Variants in TAFA2 observed in about 807,000 individuals in gnomAD.
The protein encoded by TAFA2 is TAFA chemokine like family member 2.
In TAFA2, 7 loss-of-function variants were observed where a neutral mutation model predicts 18.8. The observed-to-expected ratio is 0.37, with a 90% CI of 0.21 to 0.70. The LOEUF (loss-of-function observed/expected upper bound fraction) is 0.70. TAFA2 is among the 30% of genes least tolerant of loss of function. The probability of loss-of-function intolerance (pLI) is 0.53; values close to 1 mark genes in which losing one functional copy is unlikely to be tolerated. For missense variants in TAFA2, 122 were observed against 158.1 expected (o/e 0.77, Z 1.23); for synonymous variants, 60 against 54.2 (o/e 1.11, Z -0.47).
At chr12:61,818,700 T>A (rs139909931) in intron 2 of TAFA2, among the ~76,000 whole-genome samples, 16 of 152,248 alleles carry the variant, frequency 1.1e-4, no homozygotes, top group Non-Finnish European at 2.1e-4. Context: ...AAGGAACACA[T>A]GATAGTCTTA....
chr12:62,142,839 T>C (rs2062249044), intron 1 of TAFA2, among the ~76,000 whole-genome samples: 1 of 152,212 alleles, frequency 6.6e-6, no homozygotes, highest in Admixed American at 6.5e-5. Context: ...ATTTACTGGA[T>C]TGTAACTATT....
At chr12:62,241,136 AAC>A (rs771789807) in intron 1 of TAFA2, among the ~76,000 whole-genome samples, 60 of 152,276 alleles carry the variant, frequency 3.9e-4, no homozygotes, top group Admixed American at 7.2e-4. Flanking sequence ...ACCAGCACCA[AAC>A]ACAGAACAGT....
intron 1 of TAFA2, among the ~76,000 whole-genome samples, chr12:61,936,715 G>A (rs1361612239): frequency 6.6e-6 from 1 of 152,042 alleles, no homozygotes; most frequent in Admixed American, 6.6e-5. Context: ...CCAATACACT[G>A]AATAAAGAAA....
At chr12:62,077,116 A>C (rs10506432) in intron 1 of TAFA2, among the ~76,000 whole-genome samples, 34,868 of 152,154 alleles carry the variant, frequency 0.23, 4,442 homozygotes, top group East Asian at 0.47. Flanking sequence ...ATTCAACACC[A>C]GATAAATTAT....
intron 4 of TAFA2, among the ~76,000 whole-genome samples, chr12:61,738,773 G>A (rs1324711293): frequency 1.3e-5 from 2 of 151,998 alleles, no homozygotes; most frequent in African/African-American, 4.8e-5. Flanking sequence ...AAATTTTGTG[G>A]CTATTCTAAA....
At chr12:62,065,997 G>A (rs1279564551) in intron 1 of TAFA2, among the ~76,000 whole-genome samples, 1 of 151,952 alleles carries the variant, frequency 6.6e-6, no homozygotes, top group Non-Finnish European at 1.5e-5. Context: ...TGTCATTTCT[G>A]TGTGATTAGG....
At chr12:61,956,923 C>A (rs1268552251) in intron 1 of TAFA2, among the ~76,000 whole-genome samples, 1 of 152,120 alleles carries the variant, frequency 6.6e-6, no homozygotes, top group Non-Finnish European at 1.5e-5. Context: ...TAAAATTACT[C>A]ACACATTATC....
At chr12:62,080,168 T>C (rs1047800942) in intron 1 of TAFA2, among the ~76,000 whole-genome samples, 1 of 152,196 alleles carries the variant, frequency 6.6e-6, no homozygotes, top group Non-Finnish European at 1.5e-5. Flanking sequence ...ATTCTTGCCA[T>C]AGGGCCCCCT....
chr12:61,719,673 T>C (rs1376982380), intron 4 of TAFA2, among the ~76,000 whole-genome samples: 12 of 152,158 alleles, frequency 7.9e-5, no homozygotes, highest in Non-Finnish European at 1.8e-4. Context: ...AAATTATTTA[T>C]TGCAATGCCA....
At chr12:61,821,140 C>T (rs969363310) in intron 2 of TAFA2, among the ~76,000 whole-genome samples, 1 of 151,346 alleles carries the variant, frequency 6.6e-6, no homozygotes, top group Non-Finnish European at 1.5e-5. Flanking sequence ...CACACACACA[C>T]ACACACACAC....
intron 1 of TAFA2, among the ~76,000 whole-genome samples, chr12:62,152,643 A>G (rs1221463727): frequency 2.0e-5 from 3 of 152,214 alleles, no homozygotes; most frequent in Non-Finnish European, 4.4e-5. Context: ...GAAGTGAGGC[A>G]TAAAGCTCTG....
At chr12:61,779,615 A>C (rs1870418009) in intron 2 of TAFA2, among the ~76,000 whole-genome samples, 1 of 151,878 alleles carries the variant, frequency 6.6e-6, no homozygotes, top group South Asian at 2.1e-4. Flanking sequence ...GTGCTGCTAT[A>C]AATTATGTTC....
At chr12:61,862,465 C>G (rs1874168790) in intron 2 of TAFA2, among the ~76,000 whole-genome samples, 1 of 152,022 alleles carries the variant, frequency 6.6e-6, no homozygotes, top group Non-Finnish European at 1.5e-5. Flanking sequence ...TTTTCAAATC[C>G]AAATATTCTG....
chr12:61,973,342 C>G (rs1226966413), intron 1 of TAFA2, among the ~76,000 whole-genome samples: 2 of 150,384 alleles, frequency 1.3e-5, no homozygotes, highest in African/African-American at 2.4e-5. Flanking sequence ...CCAAGGATGA[C>G]TACATGTTGC....
At chr12:61,789,663 G>T (rs376825827) in intron 2 of TAFA2, among the ~76,000 whole-genome samples, 1 of 151,724 alleles carries the variant, frequency 6.6e-6, no homozygotes, top group African/African-American at 2.4e-5. Context: ...CACATTCTGT[G>T]CATGTATCCC....
chr12:62,070,760 C>G (rs1376060885), intron 1 of TAFA2, among the ~76,000 whole-genome samples: 2 of 152,024 alleles, frequency 1.3e-5, no homozygotes, highest in Non-Finnish European at 2.9e-5. Flanking sequence ...TATAAGCTGT[C>G]ACTACACTCT....
At chr12:61,774,253 T>C (rs952522681) in intron 2 of TAFA2, among the ~76,000 whole-genome samples, 9 of 151,964 alleles carry the variant, frequency 5.9e-5, no homozygotes, top group African/African-American at 2.2e-4. Context: ...ATAACCACTA[T>C]AGAAAACAGT....
intron 1 of TAFA2, among the ~76,000 whole-genome samples, chr12:61,970,440 T>C (rs1327676433): frequency 6.6e-6 from 1 of 151,444 alleles, no homozygotes; most frequent in Non-Finnish European, 1.5e-5. Context: ...AGAATAAAAC[T>C]GGCTGTAAAG....
chr12:61,932,278 C>T (rs563849013), intron 1 of TAFA2, among the ~76,000 whole-genome samples: 6 of 152,144 alleles, frequency 3.9e-5, no homozygotes, highest in African/African-American at 1.4e-4. Context: ...TGAGATGATG[C>T]ACATTCCTTT....
Sources: allele counts gnomAD v4.1 joint callset (sites outside exome capture counted in the v4.1 genomes callset), GRCh38; gene constraint gnomAD v4.1.1; transcripts MANE v1.5; gene names NCBI Gene and HGNC (gene_info 2026-07-23, HGNC 2026-07-21).